TRPM3: variants seen among roughly 807,000 people sequenced by gnomAD.
TRPM3 encodes the protein long transient receptor potential channel 3.
Under a neutral mutation model 181.2 loss-of-function variants are expected in TRPM3, and 77 were observed. The observed-to-expected ratio is 0.42, with a 90% CI of 0.35 to 0.51. The LOEUF (loss-of-function observed/expected upper bound fraction) is 0.51. TRPM3 is among the 20% of genes least tolerant of loss of function. The probability of loss-of-function intolerance (pLI) is 0.01; values close to 1 mark genes in which losing one functional copy is unlikely to be tolerated. For missense variants in TRPM3, 1,759 were observed against 2,196.7 expected, an observed-to-expected ratio of 0.80 and a Z score of 3.98; for synonymous variants, 745 against 796.4, an observed-to-expected ratio of 0.94 and a Z score of 1.09.
intron 5 of TRPM3, among the ~76,000 whole-genome samples, chr9:70,831,004 A>T (rs2093857512): frequency 6.6e-6 from 1 of 152,236 alleles, no homozygotes; most frequent in Admixed American, 6.5e-5. Context: ...AGTAAAGAAA[A>T]AAAAATCAGC....
At chr9:71,404,156 T>C (rs1394763331) in intron 1 of TRPM3, among the ~76,000 whole-genome samples, 2 of 152,172 alleles carry the variant, frequency 1.3e-5, no homozygotes, top group African/African-American at 4.8e-5. Flanking sequence ...CATCCCAAGG[T>C]GATTGCAAGA....
rs1400171954 is a variant in TRPM3, at chr9:70,681,380, C to T, written c.1345+126G>A. ...AGTAACTGTCTTACAGGAGAGACCC[C>T]TATGTTATCAATAATTTATTGTGTC... On this transcript the variant is annotated intron_variant, in intron 9 of 25. Coordinates refer to ENST00000677713, the MANE Select transcript of TRPM3 (RefSeq NM_001366145.2). 7 of 770,446 alleles carry T rather than the reference C, an allele frequency of 9.1e-6. No homozygotes were observed. The East Asian group carries it at 1.5e-4, about 17-fold the overall frequency. 47.7% of individuals were successfully genotyped at this position (770,446 alleles called of 1,614,324 possible). A position where few individuals can be genotyped will look rare whatever the true frequency, so the allele number is the denominator to read the frequency against.
In TRPM3 at chr9:71,181,178, ACACT is replaced by A. The variant is rs142228662; in HGVS notation, c.183+265471_183+265474del. Among the ~76,000 whole-genome samples, 1,062 of 152,202 alleles carry A rather than the reference ACACT, an allele frequency of 7.0e-3. 18 individuals are homozygous for A. Among genetic ancestry groups the A allele is most frequent in the African/African-American group, 0.024 (1,008 of 41,548 alleles). On this transcript the variant is annotated intron_variant, in intron 1 of 24. Coordinates refer to the TRPM3 transcript ENST00000357533. ...TCTTCCTGAGAACAAAGGGATTATC[ACACT>A]CACTCGCCATTTGAACTGTCTGTCC...
chr9:70,563,539 C>A (rs556233461), intron 22 of TRPM3, among the ~76,000 whole-genome samples: 1 of 152,218 alleles, frequency 6.6e-6, no homozygotes, highest in East Asian at 1.9e-4. Context: ...CACCATTGAC[C>A]AAGAAGGAGT....
chr9:71,401,325 T>A (rs374741874), intron 1 of TRPM3, among the ~76,000 whole-genome samples: 1 of 150,216 alleles, frequency 6.7e-6, no homozygotes, highest in Non-Finnish European at 1.5e-5. Context: ...TAGATCAGAG[T>A]AGGCTAAGGT....
chr9:70,832,381 C>G, intron 5 of TRPM3, among the ~76,000 whole-genome samples: 1 of 152,050 alleles, frequency 6.6e-6, no homozygotes, highest in Non-Finnish European at 1.5e-5. Context: ...GCATTGTGGG[C>G]CCGAATACCT....
At chr9:71,248,356 T>G (rs1343429197) in intron 1 of TRPM3, among the ~76,000 whole-genome samples, 1 of 152,218 alleles carries the variant, frequency 6.6e-6, no homozygotes, top group Non-Finnish European at 1.5e-5. Context: ...AGGTGGTTTC[T>G]TCTTCCTCTG....
At chr9:70,894,419 T>C (rs750543242) in intron 1 of TRPM3, among the ~76,000 whole-genome samples, 15 of 151,992 alleles carry the variant, frequency 9.9e-5, no homozygotes, top group Admixed American at 2.6e-4. Flanking sequence ...ACCACACTGG[T>C]TTGCTACATT....
Position 70,761,681 on chromosome 9 carries a change from G to T in TRPM3, c.1192C>A (p.Gln398Lys), listed in dbSNP as rs1476914384. ...GTTCGAGTGTATGTGAAAGTCTTCT[G>T]TATAGTCACCAACAGCTGGTCCCTC... ...SLRDQLLVTI[Q>K]KTFTYTRTQA... Residue 398 changes from glutamine to lysine, a missense_variant, in exon 8 of 26, where the codon CAG becomes AAG. Around this residue, in one of 8 missense-constraint regions of TRPM3, gnomAD observed 737 missense variants for 957.4 expected, o/e 0.77. Coordinates refer to ENST00000677713, the MANE Select transcript of TRPM3 (RefSeq NM_001366145.2). 1 of 1,613,708 alleles carries T rather than the reference G, an allele frequency of 6.2e-7. No homozygotes were observed. Among genetic ancestry groups the T allele is most frequent in the East Asian group, 2.2e-5 (1 of 44,814 alleles).
intron 1 of TRPM3, among the ~76,000 whole-genome samples, chr9:71,029,826 G>A (rs1212917336): frequency 2.0e-5 from 3 of 152,106 alleles, no homozygotes; most frequent in Admixed American, 1.3e-4. Flanking sequence ...CAGATAACTG[G>A]AATTTAGGAA....
intron 6 of TRPM3, chr9:70,811,120 A>C: frequency 6.9e-7 from 1 of 1,449,366 alleles, no homozygotes; most frequent in Non-Finnish European, 9.6e-7. Context: ...TCTGTGGTTA[A>C]TTTCTTGGAG....
intron 1 of TRPM3, among the ~76,000 whole-genome samples, chr9:71,033,429 G>A (rs1349219468): frequency 6.6e-6 from 1 of 152,192 alleles, no homozygotes; most frequent in Admixed American, 6.5e-5. Context: ...TAAGAGTTAA[G>A]TTCCTATGGT....
At chr9:71,259,622 T>C (rs2082904116) in intron 1 of TRPM3, among the ~76,000 whole-genome samples, 1 of 152,212 alleles carries the variant, frequency 6.6e-6, no homozygotes, top group Non-Finnish European at 1.5e-5. Flanking sequence ...TGGTTTTGAT[T>C]TGCATTTCTC....
chr9:71,283,550 G>A (rs777621591), intron 1 of TRPM3, among the ~76,000 whole-genome samples: 2 of 152,004 alleles, frequency 1.3e-5, no homozygotes, highest in African/African-American at 4.8e-5. Flanking sequence ...GTGATCCCCC[G>A]CCTTGGCCTC....
At chr9:71,227,108 CAAAAAAAAAA>C (rs368727383) in intron 1 of TRPM3, among the ~76,000 whole-genome samples, 1 of 40,192 alleles carries the variant, frequency 2.5e-5, no homozygotes, top group Non-Finnish European at 4.9e-5. Context: ...TACTTCATCT[CAAAAAAAAAA>C]AAAAAAAAAA....
intron 22 of TRPM3, among the ~76,000 whole-genome samples, chr9:70,587,506 C>A (rs1588916516): frequency 6.6e-6 from 1 of 152,200 alleles, no homozygotes; most frequent in Non-Finnish European, 1.5e-5. Context: ...CACCAGAATG[C>A]AGAACCAGAT....
intron 1 of TRPM3, among the ~76,000 whole-genome samples, chr9:71,318,535 A>G (rs1427864373): frequency 6.6e-6 from 1 of 152,160 alleles, no homozygotes; most frequent in Non-Finnish European, 1.5e-5. Flanking sequence ...CTCTCACTAG[A>G]TAAGAGGAAG....
At chr9:71,142,787 G>C (rs1390715127) in intron 1 of TRPM3, among the ~76,000 whole-genome samples, 2 of 124,416 alleles carry the variant, frequency 1.6e-5, no homozygotes, top group African/African-American at 6.7e-5. Flanking sequence ...TTCTGTTACT[G>C]TACTGTAAAT....
rs1231735875 is a variant in TRPM3 at position 70,749,039 on chromosome 9, T to C, written c.1272+12562A>G. 4.0e-5 allele frequency among the ~76,000 whole-genome samples: 4 copies of C among 100,046 alleles called. No individual in the cohort carries two copies. In the Admixed American group the frequency reaches 4.1e-4, roughly 10 times the overall value. The allele number at this position is 100,046 out of a possible 152,430, so 65.6% of individuals were successfully genotyped here. A position where few individuals can be genotyped will look rare whatever the true frequency, so the allele number is the denominator to read the frequency against. On this transcript the variant is annotated intron_variant, in intron 8 of 25. Coordinates refer to ENST00000677713, the MANE Select transcript of TRPM3 (RefSeq NM_001366145.2). ...CCAACACAACCAGTTCATTTCTGTA[T>C]TTTTTTTGTGGAGATAGGGTTTTGC...
Sources: allele counts gnomAD v4.1 joint callset (sites outside exome capture counted in the v4.1 genomes callset), GRCh38; gene constraint gnomAD v4.1.1; regional missense constraint gnomAD v4.1.1; transcripts MANE v1.5; gene names NCBI Gene and HGNC (gene_info 2026-07-23, HGNC 2026-07-21).